MYO18A: variants seen among roughly 807,000 people sequenced by gnomAD.
MYO18A encodes the protein unconventional myosin-XVIIIa.
In MYO18A, 78 loss-of-function variants were observed where a neutral mutation model predicts 235.8. The ratio of observed to expected loss-of-function variants is 0.33; its 90% CI spans 0.28 to 0.40. The LOEUF (loss-of-function observed/expected upper bound fraction) is 0.40. Ranked by LOEUF, MYO18A falls within the 10% of genes least tolerant of loss-of-function variation. The pLI is 1.00. For synonymous variants in MYO18A, 977 were observed against 1,077.8 expected (o/e 0.91, Z 1.83); for missense variants, 2,215 against 2,699.3 (o/e 0.82, Z 3.98).
intron 14 of MYO18A, 146 bp from the exon 15 acceptor site, chr17:29,114,243 A>T: frequency 1.6e-6 from 1 of 624,050 alleles, no homozygotes; most frequent in South Asian, 1.9e-5. Context: ...CCCAAATGAA[A>T]CAGCTCCCAA....
chr17:29,076,334 T>G (rs952604095), intron 41 of MYO18A: 2 of 111,368 alleles, frequency 1.8e-5, no homozygotes, highest in African/African-American at 7.5e-5. Context: ...TGACCTGAGA[T>G]TAAAAAAAAA....
intron 17 of MYO18A, 125 bp from the exon 18 acceptor site, chr17:29,110,747 C>T: frequency 1.1e-6 from 1 of 933,444 alleles, no homozygotes; most frequent in Non-Finnish European, 1.6e-6. Flanking sequence ...GGCCTGGCTA[C>T]CTGAACTGCA....
rs1275822341 is a variant in MYO18A, at chr17:29,120,490, A to G, written c.1728+126T>C. 1 of 1,303,764 alleles carries G rather than the reference A, an allele frequency of 7.7e-7. No homozygotes were observed. The highest frequency in any genetic ancestry group is 1.0e-6 in the Non-Finnish European group (1 of 956,584). 80.8% of individuals were successfully genotyped at this position (1,303,764 alleles called of 1,614,324 possible). A position where few individuals can be genotyped will look rare whatever the true frequency, so the allele number is the denominator to read the frequency against. On this transcript the variant is annotated intron_variant, in intron 7 of 41. Transcript: ENST00000527372. The surrounding 1 kb of genome is among the most constrained non-coding windows in gnomAD (Gnocchi z 4.2). ...TGGATAGTGCAGGCCAACCCTGCCCATGCCTGGGTCAATTTTGTTAGGGTA... is the reference window on the plus strand; with the variant it reads ...TGGATAGTGCAGGCCAACCCTGCCCGTGCCTGGGTCAATTTTGTTAGGGTA...
rs748447284 is a variant in MYO18A, at chr17:29,115,375, G to A, written c.2294C>T (p.Thr765Ile). Reference protein sequence around the residue: ...MAAGLYSELFTLLVSLVNRAL... With the variant: ...MAAGLYSELFILLVSLVNRAL... The stretch of plus-strand genomic sequence containing the variant: ...CCTATTCACCAGGGAGACGAGAAGG[G>A]TGAAGAGCTCGCTGTAGAGGCCGGC... The change falls in exon 13 of 42, where the codon ACC (threonine) becomes ATC (isoleucine). Residue 765 changes from threonine (T) to isoleucine (I), a missense_variant. By Grantham distance (89) the Thr-to-Ile change is moderately conservative. Transcript: ENST00000527372. 1.2e-6 allele frequency: 2 copies of A among 1,613,878 alleles called. No homozygotes were observed. The highest frequency in any genetic ancestry group is 2.7e-5 in the African/African-American group (2 of 74,946).
In MYO18A at chr17:29,165,989, T is replaced by C; in HGVS notation, c.952A>G (p.Arg318Gly). 2 of 1,613,596 alleles carry C rather than the reference T, an allele frequency of 1.2e-6. No homozygotes were observed. The highest frequency in any genetic ancestry group is 2.2e-5 in the South Asian group (2 of 91,084). The change falls in exon 2 of 42, where the codon AGG becomes GGG. Residue 318 changes from arginine (R) to glycine (G), a missense_variant. Arg to Gly is a moderately radical substitution (Grantham distance 125). Coordinates refer to ENST00000527372, the MANE Select transcript of MYO18A (RefSeq NM_078471.4). ...QPIPELSELS[R>G]SWLRSGEGPR... is the part of the protein sequence containing the mutation. ...CCCTCGCCGCTCCGCAGCCAGCTCC[T>C]GCTGAGCTCGCTGAGCTCTGGAATG... is the stretch of plus-strand genomic sequence containing the variant.
intron 2 of MYO18A, among the ~76,000 whole-genome samples, chr17:29,130,706 T>C (rs1265143347): frequency 4.6e-5 from 7 of 152,230 alleles, no homozygotes; most frequent in Non-Finnish European, 8.8e-5. Flanking sequence ...TGGGCACTCC[T>C]GCCCCCTGTG....
At chr17:29,103,732 G>T in intron 20 of MYO18A, 68 bp from the exon 21 acceptor site, 1 of 1,489,056 alleles carries the variant, frequency 6.7e-7, no homozygotes, top group Non-Finnish European at 9.4e-7. Context: ...CTTTCTCCAG[G>T]CCCTTGGCCC....
chr17:29,122,669 AGGAT>A (rs956394110), intron 2 of MYO18A, among the ~76,000 whole-genome samples: 1 of 152,254 alleles, frequency 6.6e-6, no homozygotes, highest in African/African-American at 2.4e-5. Flanking sequence ...CACAGCTACT[AGGAT>A]CTTCCGTGCC....
chr17:29,148,964 G>A (rs1427351327), intron 2 of MYO18A, among the ~76,000 whole-genome samples: 1 of 152,222 alleles, frequency 6.6e-6, no homozygotes, highest in East Asian at 1.9e-4. Context: ...CAAGGGGGTG[G>A]GGCCAAGCCC....
At chr17:29,139,514 A>G (rs1391639996) in intron 2 of MYO18A, among the ~76,000 whole-genome samples, 1 of 152,078 alleles carries the variant, frequency 6.6e-6, no homozygotes, top group Non-Finnish European at 1.5e-5. Context: ...AGAGAGATAC[A>G]AGTACTCACG....
intron 2 of MYO18A, among the ~76,000 whole-genome samples, chr17:29,144,371 G>A (rs901493455): frequency 2.2e-4 from 33 of 152,122 alleles, no homozygotes; most frequent in African/African-American, 7.2e-4. Context: ...CATTCCTTAC[G>A]AATGTGTCTC....
Position 29,074,320 on chromosome 17 carries a change from A to G in MYO18A, c.*450T>C. On this transcript the variant is annotated 3_prime_UTR_variant, in exon 42 of 42. Coordinates refer to ENST00000527372, the MANE Select transcript of MYO18A (RefSeq NM_078471.4). The surrounding 1 kb of genome is among the most constrained non-coding windows in gnomAD (Gnocchi z 4.4). ...AAGTAGAAAGACAGCAGGCACCAAG[A>G]AGAGAGAGCCCCCACCCCACACGAG... 2 of 909,748 alleles carry G rather than the reference A, an allele frequency of 2.2e-6. No homozygotes were observed. The highest frequency in any genetic ancestry group is 2.9e-5 in the Admixed American group (1 of 34,238). The allele number at this position is 909,748 out of a possible 1,614,324, so 56.4% of individuals were successfully genotyped here.
At chr17:29,100,332 C>T (rs1237099566) in intron 21 of MYO18A, among the ~76,000 whole-genome samples, 1 of 152,238 alleles carries the variant, frequency 6.6e-6, no homozygotes, top group Admixed American at 6.5e-5. Flanking sequence ...AAGCTCCTGC[C>T]TTCTCCTCCC....
intron 19 of MYO18A, among the ~76,000 whole-genome samples, chr17:29,108,404 G>A (rs1399683421): frequency 4.6e-5 from 7 of 152,182 alleles, no homozygotes; most frequent in Non-Finnish European, 4.4e-5. Context: ...AGAGCCCAGG[G>A]TGGAGGGCCA....
intron 2 of MYO18A, among the ~76,000 whole-genome samples, chr17:29,159,695 C>T (rs2068132289): frequency 6.6e-6 from 1 of 152,160 alleles, no homozygotes; most frequent in South Asian, 2.1e-4. Flanking sequence ...TGAGTCTTCC[C>T]TTGGAATCCT....
chr17:29,118,445 G>A lies in MYO18A; in HGVS notation c.1830-5C>T, dbSNP rs1214353149. 6.3e-7 allele frequency: 1 copy of A among 1,597,594 alleles called. No homozygotes were observed. Among genetic ancestry groups the A allele is most frequent in the Non-Finnish European group, 8.6e-7 (1 of 1,167,262 alleles). ...TGGTTGAGGTGGAGCTCTGTCCTAG[G>A]GGTACAAATAAGGCATCAGCACGGC... On this transcript the variant is annotated splice_region_variant and splice_polypyrimidine_tract_variant and intron_variant, in intron 8 of 41. Coordinates refer to ENST00000527372, the MANE Select transcript of MYO18A (RefSeq NM_078471.4). The surrounding 1 kb of genome is among the most constrained non-coding windows in gnomAD (Gnocchi z 4.2).
chr17:29,167,075 C>T (rs2068302399), intron 1 of MYO18A, 54 bp from the exon 2 acceptor site: 4 of 1,303,068 alleles, frequency 3.1e-6, no homozygotes, highest in Non-Finnish European at 2.0e-6. Flanking sequence ...CCTCATGTGT[C>T]TCCAGTCCAG....
chr17:29,087,538 G>A (rs769719742), intron 37 of MYO18A, among the ~76,000 whole-genome samples: 19 of 152,240 alleles, frequency 1.2e-4, no homozygotes, highest in Admixed American at 7.8e-4. Flanking sequence ...GTGCTCAGAG[G>A]TAAATGGCTT....
chr17:29,081,410 A>C (rs2066120211), intron 41 of MYO18A, among the ~76,000 whole-genome samples: 2 of 152,162 alleles, frequency 1.3e-5, no homozygotes, highest in South Asian at 4.1e-4. Context: ...GGCCGAATAA[A>C]TTAAACCAAT....
Sources: allele counts gnomAD v4.1 joint callset (sites outside exome capture counted in the v4.1 genomes callset), GRCh38; gene constraint gnomAD v4.1.1; non-coding constraint Gnocchi (gnomAD v3.1); transcripts MANE v1.5; gene names NCBI Gene and HGNC (gene_info 2026-07-23, HGNC 2026-07-21).